The following MFSD11 variants were observed in gnomAD, a reference collection of about 807,000 sequenced individuals.
MFSD11 encodes the protein UNC93-like protein MFSD11.
Under a neutral mutation model 53.5 loss-of-function variants are expected in MFSD11, and 36 were observed. That is an observed-to-expected ratio of 0.67 (90% CI 0.52 to 0.89). MFSD11 has a LOEUF of 0.89. MFSD11 is among the 40% of genes least tolerant of loss of function. The probability of loss-of-function intolerance (pLI) is 0.00; values close to 1 mark genes in which losing one functional copy is unlikely to be tolerated. For missense variants in MFSD11, 530 were observed against 543.9 expected, an observed-to-expected ratio of 0.97 and a Z score of 0.25; for synonymous variants, 186 against 184.9, an observed-to-expected ratio of 1.01 and a Z score of -0.05.
chr17:76,779,791 G>A (rs1402543788), downstream of MFSD11, among the ~76,000 whole-genome samples: 1 of 152,132 alleles, frequency 6.6e-6, no homozygotes, highest in Non-Finnish European at 1.5e-5. Context: ...GGTCCTTTAA[G>A]TCTTAAGAAC....
chr17:76,736,762 C>A (rs1166064473), upstream of MFSD11: 6 of 1,401,652 alleles, frequency 4.3e-6, no homozygotes, highest in Middle Eastern at 2.5e-4. Context: ...CCCGCGCGCC[C>A]CGCCCCGCCT....
intron 7 of MFSD11, among the ~76,000 whole-genome samples, chr17:76,753,770 C>T (rs954978798): frequency 6.6e-6 from 1 of 151,604 alleles, no homozygotes; most frequent in Non-Finnish European, 1.5e-5. Context: ...AGTATCATTT[C>T]TGAGAAAGAC....
At chr17:76,745,184 G>A (rs1240481815) in intron 7 of MFSD11, among the ~76,000 whole-genome samples, 1 of 152,194 alleles carries the variant, frequency 6.6e-6, no homozygotes, top group Non-Finnish European at 1.5e-5. Flanking sequence ...TGTGAAGATT[G>A]CCTTATAGCA....
rs1363797503 is a variant in MFSD11, at chr17:76,738,419, A to G, written c.67A>G (p.Thr23Ala). The change falls in exon 1 of 13, where the codon ACT becomes GCT. Residue 23 changes from threonine to alanine, a missense_variant. Coordinates refer to ENST00000685175, the MANE Select transcript of MFSD11 (RefSeq NM_001242532.5). ...ILGVAFMFMF[T>A]AFQTCGNVAQ... is the part of the protein sequence containing the mutation. ...AGGAGTTGCCTTTATGTTTATGTTCACTGCCTTTCAAACTTGTGGAAATGT... is the reference window on the plus strand; with the variant it reads ...AGGAGTTGCCTTTATGTTTATGTTCGCTGCCTTTCAAACTTGTGGAAATGT... 1.9e-6 allele frequency: 3 copies of G among 1,613,944 alleles called. No homozygotes were observed. The East Asian group carries it at 6.7e-5, about 36-fold the overall frequency.
the MFSD11 span, among the ~76,000 whole-genome samples, chr17:76,800,543 C>T: frequency 6.6e-5 from 10 of 152,084 alleles, no homozygotes; most frequent in Non-Finnish European, 1.2e-4. Flanking sequence ...ATTGTTGCTG[C>T]TATTAATCTT....
chr17:76,771,510 T>C (rs533896892), intron 10 of MFSD11, among the ~76,000 whole-genome samples: 3 of 152,376 alleles, frequency 2.0e-5, no homozygotes, highest in Non-Finnish European at 4.4e-5. Context: ...ATAGAGCTTA[T>C]ATTCTTGAGG....
In MFSD11 at chr17:76,738,139, C is replaced by G; in HGVS notation, c.-214C>G. ...GGGTTGTGCTCTTCCGTACTCGGAT[C>G]GCTTCTTAGGAGTATCCTAACTGCC... is the stretch of plus-strand genomic sequence containing the variant. On this transcript the variant is annotated 5_prime_UTR_variant, in exon 1 of 13. In the 5' UTR this introduces an upstream ATG that the reference lacks. Coordinates refer to ENST00000685175, the MANE Select transcript of MFSD11 (RefSeq NM_001242532.5). 1.8e-6 allele frequency: 1 copy of G among 566,868 alleles called. No homozygotes were observed. The highest frequency in any genetic ancestry group is 2.9e-5 in the East Asian group (1 of 34,468). The allele number at this position is 566,868 out of a possible 1,614,324, so 35.1% of individuals were successfully genotyped here. A position where few individuals can be genotyped will look rare whatever the true frequency, so the allele number is the denominator to read the frequency against.
At chr17:76,753,687 C>CAAAAAAAAAA (rs11393515) in intron 7 of MFSD11, among the ~76,000 whole-genome samples, 1 of 127,190 alleles carries the variant, frequency 7.9e-6, no homozygotes, top group African/African-American at 3.0e-5. Context: ...GACCCTGTCT[C>CAAAAAAAAAA]AAAAAAAAAA....
At chr17:76,737,295 G>C (rs575429768), upstream of MFSD11, 4 of 1,254,886 alleles carry the variant, frequency 3.2e-6, 1 homozygote, top group African/African-American at 3.0e-5. Context: ...GAACAGCACG[G>C]ACGGGCTCCG....
At chr17:76,740,907 G>A (rs766669694) in intron 2 of MFSD11, 50 bp from the exon 3 acceptor site, 13 of 1,058,882 alleles carry the variant, frequency 1.2e-5, no homozygotes, top group Non-Finnish European at 1.7e-5. Context: ...CAGCATATAA[G>A]GGCTTTGTTC....
chr17:76,769,659 G>A (rs1454067772), intron 9 of MFSD11, 87 bp from the exon 10 acceptor site: 12 of 1,030,478 alleles, frequency 1.2e-5, no homozygotes, highest in Non-Finnish European at 1.7e-5. Flanking sequence ...TACTACGCAA[G>A]TATTCTTTCG....
chr17:76,767,494 C>T (rs2080958019), intron 9 of MFSD11, 43 bp downstream of exon 9: 1 of 1,268,360 alleles, frequency 7.9e-7, no homozygotes, highest in African/African-American at 1.5e-5. Context: ...TGCATAATGA[C>T]AATAAGGAGT....
the MFSD11 span, among the ~76,000 whole-genome samples, chr17:76,801,937 C>T: frequency 6.6e-6 from 1 of 152,002 alleles, no homozygotes; most frequent in African/African-American, 2.4e-5. Context: ...CTCATTTTAC[C>T]CACCCCCTAT....
the MFSD11 span, among the ~76,000 whole-genome samples, chr17:76,794,786 A>G: frequency 7.6e-6 from 1 of 131,696 alleles, no homozygotes. Context: ...TCCACCTCCC[A>G]GGTTCAAGCG....
upstream of MFSD11, chr17:76,737,478 G>A (rs2077579160): frequency 2.9e-6 from 1 of 345,320 alleles, no homozygotes; most frequent in Admixed American, 4.5e-5. Flanking sequence ...CGAAGCGCCT[G>A]CGCACAGCCC....
downstream of MFSD11, among the ~76,000 whole-genome samples, chr17:76,784,519 G>A (rs1394736865): frequency 6.6e-6 from 1 of 151,344 alleles, no homozygotes; most frequent in East Asian, 1.9e-4. Context: ...GCGACAGAGT[G>A]AGACTCCATC....
chr17:76,792,559 A>G, the MFSD11 span, among the ~76,000 whole-genome samples: 1 of 151,278 alleles, frequency 6.6e-6, no homozygotes, highest in Non-Finnish European at 1.5e-5. Context: ...ATCAAGTAAC[A>G]TATCCAAGAT....
At chr17:76,785,120 T>C (rs535531996), downstream of MFSD11, among the ~76,000 whole-genome samples, 12 of 152,330 alleles carry the variant, frequency 7.9e-5, no homozygotes, top group African/African-American at 2.9e-4. Context: ...CAATGAAGTA[T>C]GATTCAGCCT....
At chr17:76,738,604 T>C (rs1407629957) in intron 1 of MFSD11, 156 bp downstream of exon 1, 2 of 636,470 alleles carry the variant, frequency 3.1e-6, no homozygotes, top group African/African-American at 3.7e-5. Flanking sequence ...GTTTGATTTC[T>C]TGTGTCAGAC....
Sources: allele counts gnomAD v4.1 joint callset (sites outside exome capture counted in the v4.1 genomes callset), GRCh38; gene constraint gnomAD v4.1.1; transcripts MANE v1.5; gene names NCBI Gene and HGNC (gene_info 2026-07-23, HGNC 2026-07-21).